C1QTNF3: variants seen among roughly 807,000 people sequenced by gnomAD.
C1QTNF3 encodes C1q and TNF related 3.
C1QTNF3 carries 26 observed loss-of-function variants against 32.6 expected under a neutral mutation model. The observed-to-expected ratio is 0.80, with a 90% CI of 0.58 to 1.11. The LOEUF (loss-of-function observed/expected upper bound fraction) is 1.11, where lower values mean the gene tolerates loss of function less well. Among genes scored for constraint, C1QTNF3 ranks in the 50% least tolerant of loss-of-function variants. C1QTNF3 has a pLI of 0.00. For missense variants in C1QTNF3, 362 were observed against 398.2 expected, an observed-to-expected ratio of 0.91 and a Z score of 0.77; for synonymous variants, 155 against 146.0, an observed-to-expected ratio of 1.06 and a Z score of -0.44.
the C1QTNF3 span, chr5:34,166,544 C>A: frequency 1.3e-5 from 2 of 152,120 alleles, no homozygotes; most frequent in African/African-American, 4.8e-5. Context: ...ATTGGCTTTG[C>A]ATCATTTCAT....
the C1QTNF3 span, among the ~76,000 whole-genome samples, chr5:34,142,499 A>G: frequency 6.6e-6 from 1 of 151,698 alleles, no homozygotes; most frequent in South Asian, 2.1e-4. Context: ...AGCTCCCCCA[A>G]GGACCAGAAG....
At position 34,018,079 on chromosome 5, in the gene C1QTNF3, A is replaced by G. The variant is rs1465353088; in HGVS notation, c.*2504T>C. Among the ~76,000 whole-genome samples the G allele has an allele frequency of 6.6e-6, 1 of 151,896 alleles. No homozygotes were observed. The highest frequency in any genetic ancestry group is 1.5e-5 in the Non-Finnish European group (1 of 67,980). ...CAAAAATATATAAAAAGCTAATTTC[A>G]AATTATTTTATTACTATATTTAAAA... On this transcript the variant is annotated 3_prime_UTR_variant, in exon 6 of 6. Transcript: ENST00000382065.
chr5:34,062,077 A>ATCATC, the C1QTNF3 span, among the ~76,000 whole-genome samples: 1 of 152,168 alleles, frequency 6.6e-6, no homozygotes, highest in African/African-American at 2.4e-5. Context: ...GATACCCTAA[A>ATCATC]TCATCTCTCT....
At chr5:34,227,978 CT>C in the C1QTNF3 span, among the ~76,000 whole-genome samples, 4,190 of 137,464 alleles carry the variant, frequency 0.03, 155 homozygotes, top group African/African-American at 0.096. Flanking sequence ...GGAGAAAATC[CT>C]TTTTTTTTTT....
At chr5:34,176,578 C>T in the C1QTNF3 span, among the ~76,000 whole-genome samples, 4 of 152,130 alleles carry the variant, frequency 2.6e-5, no homozygotes, top group African/African-American at 9.7e-5. Flanking sequence ...CTGAACTACA[C>T]TAGAAGGAAA....
At chr5:34,058,552 C>T in the C1QTNF3 span, among the ~76,000 whole-genome samples, 2 of 152,138 alleles carry the variant, frequency 1.3e-5, no homozygotes, top group East Asian at 1.9e-4. Context: ...GCCTTCAGCC[C>T]AGACAAAAGC....
At chr5:34,027,705 A>T (rs572156535) in intron 4 of C1QTNF3, among the ~76,000 whole-genome samples, 1 of 148,564 alleles carries the variant, frequency 6.7e-6, no homozygotes, top group South Asian at 2.2e-4. Context: ...CCTGTCTAGA[A>T]ACAAACAAAC....
intron 5 of C1QTNF3, 101 bp downstream of exon 5, chr5:34,023,808 T>C (rs1437861285): frequency 2.5e-6 from 2 of 789,030 alleles, no homozygotes; most frequent in Non-Finnish European, 4.3e-6. Flanking sequence ...ATAGGGGCCA[T>C]GTCAGGCTCT....
At chr5:34,165,640 T>C in the C1QTNF3 span, 1 of 152,080 alleles carries the variant, frequency 6.6e-6, no homozygotes, top group African/African-American at 2.4e-5. Flanking sequence ...AGTCTTTTTA[T>C]ATGTCAAATA....
chr5:34,124,850 A>G, the C1QTNF3 span, among the ~76,000 whole-genome samples: 1 of 152,316 alleles, frequency 6.6e-6, no homozygotes, highest in Admixed American at 6.5e-5. Context: ...AAAGTGATTG[A>G]TTCTCCACTA....
chr5:34,055,369 G>C, the C1QTNF3 span, among the ~76,000 whole-genome samples: 1 of 152,174 alleles, frequency 6.6e-6, no homozygotes, highest in African/African-American at 2.4e-5. Context: ...TCCCACTACT[G>C]TCACACAAAA....
At chr5:34,154,876 AAC>A in the C1QTNF3 span, among the ~76,000 whole-genome samples, 1 of 152,124 alleles carries the variant, frequency 6.6e-6, no homozygotes, top group Non-Finnish European at 1.5e-5. Flanking sequence ...CTAAACTATT[AAC>A]AATCTTGCCA....
chr5:34,176,363 A>T, the C1QTNF3 span, among the ~76,000 whole-genome samples: 2 of 151,840 alleles, frequency 1.3e-5, no homozygotes, highest in South Asian at 4.2e-4. Context: ...TGTAACTAAC[A>T]TGCACAATGT....
the C1QTNF3 span, among the ~76,000 whole-genome samples, chr5:34,227,961 T>G: frequency 6.6e-6 from 1 of 151,642 alleles, no homozygotes; most frequent in Admixed American, 6.6e-5. Context: ...TTGTCTCTTG[T>G]TGGCATGGAG....
chr5:34,163,927 AAAAC>A, the C1QTNF3 span, among the ~76,000 whole-genome samples: 1 of 152,192 alleles, frequency 6.6e-6, no homozygotes, highest in African/African-American at 2.4e-5. Context: ...TAAAAACAAG[AAAAC>A]AAACAAAAAA....
chr5:34,042,726 T>C, intron 1 of C1QTNF3, 97 bp downstream of exon 1: 1 of 1,250,158 alleles, frequency 8.0e-7, no homozygotes, highest in Non-Finnish European at 1.1e-6. Flanking sequence ...CATTCATTGA[T>C]TCTAAGAATC....
chr5:34,137,725 C>T, the C1QTNF3 span, among the ~76,000 whole-genome samples: 1 of 152,158 alleles, frequency 6.6e-6, no homozygotes, highest in Non-Finnish European at 1.5e-5. Context: ...TGCTCTCATA[C>T]AGGAAGAAGT....
the C1QTNF3 span, among the ~76,000 whole-genome samples, chr5:34,203,767 T>C: frequency 6.7e-5 from 10 of 149,650 alleles, no homozygotes; most frequent in East Asian, 9.8e-4. Context: ...AAGAAACATA[T>C]AGACACATAC....
the C1QTNF3 span, among the ~76,000 whole-genome samples, chr5:34,229,744 AATT>A: frequency 6.6e-6 from 1 of 152,210 alleles, no homozygotes; most frequent in Non-Finnish European, 1.5e-5. Context: ...GTCTCCCTAA[AATT>A]AATCTATTGA....
Sources: gnomAD v4.1 joint callset for allele counts (sites outside exome capture counted in the v4.1 genomes callset) on GRCh38, gnomAD v4.1.1 for gene constraint, MANE v1.5 for transcripts, NCBI Gene and HGNC (gene_info 2026-07-23, HGNC 2026-07-21) for gene names.